Variants in KCNC2 observed in about 807,000 individuals in gnomAD.
KCNC2 encodes the protein voltage-gated potassium channel KCNC2.
KCNC2 carries 21 observed loss-of-function variants against 44.5 expected under a neutral mutation model. That is an observed-to-expected ratio of 0.47 (90% CI 0.33 to 0.68). The LOEUF (loss-of-function observed/expected upper bound fraction) is 0.68, where lower values mean the gene tolerates loss of function less well. KCNC2 is among the 30% of genes least tolerant of loss of function. The probability of loss-of-function intolerance (pLI) is 0.01; values close to 1 mark genes in which losing one functional copy is unlikely to be tolerated. For missense variants in KCNC2, 589 were observed against 826.2 expected (o/e 0.71, Z 3.52); for synonymous variants, 391 against 339.1 (o/e 1.15, Z -1.68).
intron 2 of KCNC2, among the ~76,000 whole-genome samples, chr12:75,185,596 A>G (rs1459352237): frequency 1.3e-5 from 2 of 152,030 alleles, no homozygotes; most frequent in Non-Finnish European, 2.9e-5. Context: ...TGGACTTCTC[A>G]GCCTCCAGAA....
intron 2 of KCNC2, among the ~76,000 whole-genome samples, chr12:75,175,692 T>C (rs973590019): frequency 3.9e-5 from 6 of 152,036 alleles, no homozygotes; most frequent in Non-Finnish European, 7.4e-5. Context: ...ATAAGCCTTC[T>C]CTGCTGTCCC....
intron 2 of KCNC2, among the ~76,000 whole-genome samples, chr12:75,206,373 G>T (rs2031688814): frequency 6.6e-6 from 1 of 152,154 alleles, no homozygotes; most frequent in South Asian, 2.1e-4. Context: ...TTCAACCAGA[G>T]AAATCATTAT....
intron 2 of KCNC2, among the ~76,000 whole-genome samples, chr12:75,194,958 C>A (rs956524303): frequency 6.6e-6 from 1 of 152,104 alleles, no homozygotes; most frequent in Non-Finnish European, 1.5e-5. Flanking sequence ...TTCCTCACTA[C>A]CTTTGCTCTT....
At chr12:75,183,871 C>T (rs1411956634) in intron 2 of KCNC2, among the ~76,000 whole-genome samples, 1 of 152,144 alleles carries the variant, frequency 6.6e-6, no homozygotes, top group Non-Finnish European at 1.5e-5. Context: ...TCTCCATCTG[C>T]CTTTGCCAAC....
At chr12:75,150,281 C>G (rs532785021) in intron 2 of KCNC2, among the ~76,000 whole-genome samples, 1 of 151,990 alleles carries the variant, frequency 6.6e-6, no homozygotes, top group South Asian at 2.1e-4. Flanking sequence ...ACTACACCCT[C>G]ATCCGTTACA....
At chr12:75,197,253 C>T (rs889255349) in intron 2 of KCNC2, among the ~76,000 whole-genome samples, 12 of 152,040 alleles carry the variant, frequency 7.9e-5, no homozygotes, top group African/African-American at 2.9e-4. Context: ...TGGTCCCCTC[C>T]TTCCCAATTT....
At position 75,174,062 on chromosome 12, in the gene KCNC2, T is replaced by C. The variant is rs932806527; in HGVS notation, c.687+33235A>G. On this transcript the variant is annotated intron_variant, in intron 2 of 4. Transcript: ENST00000549446. ...TTTATCCTTCCCAACAAAAAAGTCA[T>C]TTTAAACAGAGTAATTTCCTTCATA... Among the ~76,000 whole-genome samples the C allele has an allele frequency of 2.0e-5, 3 of 151,848 alleles. No homozygotes were observed. The East Asian group carries it at 5.8e-4, about 29-fold the overall frequency.
chr12:75,040,828 G>A lies in KCNC2; in HGVS notation c.*2277C>T. On this transcript the variant is annotated 3_prime_UTR_variant, in exon 5 of 5. Transcript: ENST00000549446. ...TAATTCACAGCACAACCTAATGTGGGCCCATGAAGAGTAATTCAAAGAAGT... is the reference window on the plus strand; with the variant it reads ...TAATTCACAGCACAACCTAATGTGGACCCATGAAGAGTAATTCAAAGAAGT... 2.4e-6 allele frequency: 1 copy of A among 408,608 alleles called. No homozygotes were observed. The highest frequency in any genetic ancestry group is 3.8e-5 in the South Asian group (1 of 26,004). The allele number at this position is 408,608 out of a possible 1,614,324, so 25.3% of individuals were successfully genotyped here.
intron 2 of KCNC2, among the ~76,000 whole-genome samples, chr12:75,169,797 G>A (rs993488658): frequency 6.6e-6 from 1 of 151,572 alleles, no homozygotes; most frequent in Admixed American, 6.6e-5. Context: ...TTGCAAACAA[G>A]CATCTACATC....
chr12:75,074,232 AT>A (rs5799196), intron 2 of KCNC2, among the ~76,000 whole-genome samples: 15,794 of 94,806 alleles, frequency 0.17, 723 homozygotes, highest in Admixed American at 0.25. Context: ...CTACTCATAG[AT>A]TTTTTTTTTT....
Position 75,207,481 on chromosome 12 carries a change from A to T in KCNC2, c.503T>A (p.Ile168Asn). ...QHRDAEEALD[I>N]FETPDLIGGD... ...GCCAATGAGGTCGGGGGTCTCGAAGATGTCCAGCGCCTCCTCGGCGTCGCG... is the reference window on the plus strand; with the variant it reads ...GCCAATGAGGTCGGGGGTCTCGAAGTTGTCCAGCGCCTCCTCGGCGTCGCG... The change falls in exon 2 of 5, where the codon ATC becomes AAC. Residue 168 changes from isoleucine (I) to asparagine (N), a missense_variant. Around this residue, in one of 7 missense-constraint regions of KCNC2, gnomAD observed 97 missense variants for 73.3 expected, o/e 1.32. Coordinates refer to ENST00000549446, the MANE Select transcript of KCNC2 (RefSeq NM_139137.4). This position sits in a 1 kb window ranked among gnomAD's most constrained non-coding sequence, Gnocchi z 4.1. 1.2e-6 allele frequency: 2 copies of T among 1,612,400 alleles called. No homozygotes were observed. The highest frequency in any genetic ancestry group is 2.2e-5 in the East Asian group (1 of 44,814).
intron 2 of KCNC2, among the ~76,000 whole-genome samples, chr12:75,134,293 A>C (rs186811411): frequency 6.6e-5 from 10 of 152,104 alleles, no homozygotes; most frequent in Admixed American, 6.6e-4. Context: ...GTTGTTGAAT[A>C]GAATATTTTG....
intron 2 of KCNC2, among the ~76,000 whole-genome samples, chr12:75,155,774 T>A (rs1890714947): frequency 6.6e-6 from 1 of 151,566 alleles, no homozygotes; most frequent in Admixed American, 6.6e-5. Context: ...CACAGTTCAC[T>A]AATGACAAGG....
chr12:75,156,415 T>A (rs558548227), intron 2 of KCNC2, among the ~76,000 whole-genome samples: 4 of 151,966 alleles, frequency 2.6e-5, no homozygotes, highest in South Asian at 4.2e-4. Flanking sequence ...TCACGCTCAT[T>A]CTTTTACATA....
intron 2 of KCNC2, among the ~76,000 whole-genome samples, chr12:75,166,476 C>G (rs1454483307): frequency 1.3e-5 from 2 of 150,338 alleles, no homozygotes; most frequent in Non-Finnish European, 3.0e-5. Flanking sequence ...TAACAGATGT[C>G]TATAAAACAT....
chr12:75,172,064 C>T (rs992304435), intron 2 of KCNC2, among the ~76,000 whole-genome samples: 1 of 151,680 alleles, frequency 6.6e-6, no homozygotes, highest in African/African-American at 2.4e-5. Flanking sequence ...CCTCACCCCC[C>T]AAAGAAAGGA....
intron 2 of KCNC2, among the ~76,000 whole-genome samples, chr12:75,140,879 A>G (rs1383503450): frequency 6.7e-6 from 1 of 148,592 alleles, no homozygotes; most frequent in African/African-American, 2.5e-5. Context: ...TCATGCCAAG[A>G]AAAAAAAAAC....
chr12:75,204,244 T>C (rs947269926), intron 2 of KCNC2, among the ~76,000 whole-genome samples: 23 of 151,992 alleles, frequency 1.5e-4, no homozygotes, highest in Non-Finnish European at 2.5e-4. Context: ...TACAACAATA[T>C]AGACCCCTCA....
At chr12:75,170,065 G>A (rs1242516649) in intron 2 of KCNC2, among the ~76,000 whole-genome samples, 2 of 151,630 alleles carry the variant, frequency 1.3e-5, no homozygotes, top group Admixed American at 6.6e-5. Flanking sequence ...ACAAGTTCCA[G>A]ACCATTTCAA....
Sources: allele counts gnomAD v4.1 joint callset (sites outside exome capture counted in the v4.1 genomes callset), GRCh38; gene constraint gnomAD v4.1.1; regional missense constraint gnomAD v4.1.1; non-coding constraint Gnocchi (gnomAD v3.1); transcripts MANE v1.5; gene names NCBI Gene and HGNC (gene_info 2026-07-23, HGNC 2026-07-21).